The following VAV3 variants were observed in gnomAD, a reference collection of about 807,000 sequenced individuals.
VAV3 encodes the protein guanine nucleotide exchange factor VAV3.
In VAV3, 94 loss-of-function variants were observed where a neutral mutation model predicts 131.2. That is an observed-to-expected ratio of 0.72 (90% confidence interval 0.61 to 0.85). The LOEUF is 0.85. Ranked by LOEUF, VAV3 falls within the 40% of genes least tolerant of loss-of-function variation. VAV3 has a pLI of 0.00. For missense variants in VAV3, 939 were observed against 1,002.7 expected (o/e 0.94, Z 0.86); for synonymous variants, 349 against 342.0 (o/e 1.02, Z -0.22).
chr1:107,593,118 A>T (rs1284780470), intron 25 of VAV3, among the ~76,000 whole-genome samples: 1 of 151,914 alleles, frequency 6.6e-6, no homozygotes, highest in Non-Finnish European at 1.5e-5. Context: ...AGGCTGAGAG[A>T]CAGCCTACAA....
At chr1:107,891,234 G>T (rs7522306) in intron 1 of VAV3, among the ~76,000 whole-genome samples, 2,210 of 151,720 alleles carry the variant, frequency 0.015, 60 homozygotes, top group African/African-American at 0.051. Context: ...CATTCTTCAC[G>T]CCATTACATT....
At chr1:107,964,089 C>T (rs939770793) in intron 1 of VAV3, among the ~76,000 whole-genome samples, 1 of 152,190 alleles carries the variant, frequency 6.6e-6, no homozygotes, top group Non-Finnish European at 1.5e-5. Context: ...GGGAGCTTGC[C>T]GGCTGGCCAC....
intron 12 of VAV3, 99 bp downstream of exon 12, chr1:107,755,328 T>C: frequency 1.1e-6 from 1 of 926,008 alleles, no homozygotes. Flanking sequence ...CCTCCAACAG[T>C]AGAAACTTGA....
In VAV3 at chr1:107,573,182, T is replaced by C. The variant is rs546353195; in HGVS notation, c.*149A>G. 2.4e-6 allele frequency: 2 copies of C among 817,880 alleles called. No homozygotes were observed. Among genetic ancestry groups the C allele is most frequent in the East Asian group, 2.7e-5 (1 of 37,212 alleles). The allele number at this position is 817,880 out of a possible 1,614,324, so 50.7% of individuals were successfully genotyped here. On this transcript the variant is annotated 3_prime_UTR_variant, in exon 27 of 27. Coordinates refer to ENST00000370056, the MANE Select transcript of VAV3 (RefSeq NM_006113.5). ...ACCAGCATCTTTAGAAATCTCAGCA[T>C]TAAGACTTAGGAGGGGCTAAGGAGG...
At chr1:107,853,635 A>T (rs983836736) in intron 2 of VAV3, among the ~76,000 whole-genome samples, 2 of 152,140 alleles carry the variant, frequency 1.3e-5, no homozygotes, top group Non-Finnish European at 2.9e-5. Flanking sequence ...TTAAAAAAAA[A>T]AGTTATTTTT....
chr1:107,899,086 T>C (rs1024427566), intron 1 of VAV3, among the ~76,000 whole-genome samples: 1 of 152,184 alleles, frequency 6.6e-6, no homozygotes, highest in African/African-American at 2.4e-5. Flanking sequence ...AAAGTATGTA[T>C]GTGGTTCTGA....
chr1:107,899,390 T>C lies in VAV3; in HGVS notation c.205-24373A>G, dbSNP rs1571113146. Among the ~76,000 whole-genome samples the C allele has an allele frequency of 2.0e-5, 3 of 152,260 alleles. No homozygotes were observed. The South Asian group carries it at 6.2e-4, about 32-fold the overall frequency. On this transcript the variant is annotated intron_variant, in intron 1 of 26. Transcript: ENST00000370056. ...ATTAGGTTCTGCGCAAGGTGCTGAA[T>C]AAGATGTGGTCCCTCATGTTCAACG...
intron 2 of VAV3, among the ~76,000 whole-genome samples, chr1:107,863,415 AGGTCATCTCCTGTCTAT>A (rs527634510): frequency 1.6e-3 from 247 of 152,306 alleles, no homozygotes; most frequent in Non-Finnish European, 2.7e-3. Flanking sequence ...AGCACTTAGC[AGGTCATCTCCTGTCTAT>A]GGTCATCTCC....
chr1:107,582,416 T>TA (rs1265483268), intron 25 of VAV3, among the ~76,000 whole-genome samples: 2 of 152,162 alleles, frequency 1.3e-5, no homozygotes, highest in East Asian at 1.9e-4. Flanking sequence ...TATATATATA[T>TA]TTTTTATTAT....
chr1:107,656,064 T>C (rs1656527878), intron 19 of VAV3, among the ~76,000 whole-genome samples: 1 of 151,956 alleles, frequency 6.6e-6, no homozygotes, highest in Admixed American at 6.6e-5. Flanking sequence ...AACTAAAAAA[T>C]ACAACTACAG....
chr1:107,709,807 C>T (rs1660671265), intron 15 of VAV3, among the ~76,000 whole-genome samples: 1 of 152,204 alleles, frequency 6.6e-6, no homozygotes, highest in Non-Finnish European at 1.5e-5. Flanking sequence ...GTCTCCCCTT[C>T]TACCATGACT....
intron 20 of VAV3, among the ~76,000 whole-genome samples, chr1:107,641,051 G>A (rs1003147825): frequency 2.0e-5 from 3 of 152,150 alleles, no homozygotes; most frequent in Non-Finnish European, 2.9e-5. Context: ...GACAGACACA[G>A]AAGTGGTCTG....
At chr1:107,632,943 A>G (rs1436763360) in intron 20 of VAV3, among the ~76,000 whole-genome samples, 1 of 152,180 alleles carries the variant, frequency 6.6e-6, no homozygotes, top group East Asian at 1.9e-4. Context: ...TATACCAGAA[A>G]ATCTTCAAGT....
intron 12 of VAV3, among the ~76,000 whole-genome samples, chr1:107,754,643 T>C (rs1012999319): frequency 3.3e-5 from 5 of 152,332 alleles, no homozygotes; most frequent in East Asian, 3.9e-4. Context: ...ATTCAGCATA[T>C]TGGCCTACAA....
Position 107,855,905 on chromosome 1 carries a change from A to G in VAV3, c.321+18996T>C, listed in dbSNP as rs184652843. ...AATGTGTGGAGAAAGCTGAGAGCAC[A>G]GGCTCCTTCCACTTCTACCCAGAAA... On this transcript the variant is annotated intron_variant, in intron 2 of 26. Transcript: ENST00000370056. Among the ~76,000 whole-genome samples the G allele has an allele frequency of 3.3e-5, 5 of 152,306 alleles. No homozygotes were observed. The East Asian group carries it at 9.7e-4, about 29-fold the overall frequency.
intron 2 of VAV3, among the ~76,000 whole-genome samples, chr1:107,792,487 C>A (rs78830402): frequency 0.013 from 1,998 of 152,214 alleles, 48 homozygotes; most frequent in African/African-American, 0.046. Flanking sequence ...CAGCTACCAG[C>A]AACTATGCAT....
At chr1:107,714,097 G>A (rs1029327449) in intron 15 of VAV3, among the ~76,000 whole-genome samples, 9 of 152,038 alleles carry the variant, frequency 5.9e-5, no homozygotes, top group African/African-American at 2.2e-4. Flanking sequence ...AGATAAAACA[G>A]ATAAATATGC....
At chr1:107,947,292 C>T (rs562442730) in intron 1 of VAV3, among the ~76,000 whole-genome samples, 72 of 152,242 alleles carry the variant, frequency 4.7e-4, no homozygotes, top group Middle Eastern at 3.4e-3. Context: ...CCACAATATT[C>T]CAAGTCTTAT....
intron 24 of VAV3, 138 bp from the exon 25 acceptor site, chr1:107,596,479 A>T: frequency 1.2e-6 from 1 of 843,356 alleles, no homozygotes; most frequent in Non-Finnish European, 1.8e-6. Flanking sequence ...GATTAAGCAA[A>T]TGATAATCTC....
Sources: gnomAD v4.1 joint callset for allele counts (sites outside exome capture counted in the v4.1 genomes callset) on GRCh38, gnomAD v4.1.1 for gene constraint, MANE v1.5 for transcripts, NCBI Gene and HGNC (gene_info 2026-07-23, HGNC 2026-07-21) for gene names.